The following RCAN2 variants were observed in gnomAD, a reference collection of about 807,000 sequenced individuals.
RCAN2 encodes the protein regulator of calcineurin 2, also known as calcipressin-2.
In RCAN2, 9 loss-of-function variants were observed where a neutral mutation model predicts 23.6. That is an observed-to-expected ratio of 0.38 (90% CI 0.23 to 0.67). The LOEUF (loss-of-function observed/expected upper bound fraction) is 0.67, where lower values mean the gene tolerates loss of function less well. RCAN2 is among the 30% of genes least tolerant of loss of function. The pLI, the probability that RCAN2 is intolerant of heterozygous loss-of-function variation, is 0.51. For missense variants in RCAN2, 273 were observed against 302.3 expected (o/e 0.90, Z 0.72); for synonymous variants, 109 against 115.7 (o/e 0.94, Z 0.37).
intron 4 of RCAN2, among the ~76,000 whole-genome samples, chr6:46,236,312 A>C (rs1347160682): frequency 1.3e-5 from 2 of 151,446 alleles, no homozygotes; most frequent in Non-Finnish European, 2.9e-5. Context: ...TCCAACCACC[A>C]CTTCCCCTTT....
chr6:46,251,727 G>A (rs961780120), intron 2 of RCAN2, among the ~76,000 whole-genome samples: 1 of 152,114 alleles, frequency 6.6e-6, no homozygotes, highest in Non-Finnish European at 1.5e-5. Context: ...GGCTTAGAGG[G>A]TGCTGACAAT....
At chr6:46,263,495 A>ATG (rs1404616117) in intron 2 of RCAN2, among the ~76,000 whole-genome samples, 1 of 69,788 alleles carries the variant, frequency 1.4e-5, no homozygotes, top group East Asian at 4.0e-4. Flanking sequence ...GTGTGTGTGT[A>ATG]TGTGTGTATG....
intron 1 of RCAN2, among the ~76,000 whole-genome samples, chr6:46,464,814 C>A (rs1166951236): frequency 6.6e-6 from 1 of 152,038 alleles, no homozygotes; most frequent in African/African-American, 2.4e-5. Context: ...CTTCAGGACA[C>A]CTTCTGGAGC....
chr6:46,406,846 A>T (rs1248227658), intron 2 of RCAN2, among the ~76,000 whole-genome samples: 2 of 152,228 alleles, frequency 1.3e-5, no homozygotes, highest in Non-Finnish European at 2.9e-5. Context: ...TGTTACAAAA[A>T]CTTAGACAGG....
At chr6:46,347,406 T>C (rs1764520832) in intron 2 of RCAN2, among the ~76,000 whole-genome samples, 1 of 152,170 alleles carries the variant, frequency 6.6e-6, no homozygotes, top group African/African-American at 2.4e-5. Flanking sequence ...TACCATGCCC[T>C]TTACATTAGG....
chr6:46,276,960 T>C (rs893343771), intron 2 of RCAN2, among the ~76,000 whole-genome samples: 2 of 152,222 alleles, frequency 1.3e-5, no homozygotes, highest in Non-Finnish European at 2.9e-5. Flanking sequence ...TGAGTTTTAT[T>C]AAGTTCTTAA....
intron 2 of RCAN2, among the ~76,000 whole-genome samples, chr6:46,375,238 C>G (rs546765257): frequency 2.0e-5 from 3 of 152,196 alleles, no homozygotes; most frequent in Non-Finnish European, 4.4e-5. Flanking sequence ...AACCACCATG[C>G]CTGGGCAACT....
chr6:46,255,942 G>T (rs565154782), intron 2 of RCAN2, among the ~76,000 whole-genome samples: 4 of 152,302 alleles, frequency 2.6e-5, no homozygotes, highest in Middle Eastern at 3.4e-3. Context: ...ATGTGTAATT[G>T]CGAGGGAATA....
At chr6:46,281,719 T>C (rs553176486) in intron 2 of RCAN2, among the ~76,000 whole-genome samples, 18 of 152,318 alleles carry the variant, frequency 1.2e-4, no homozygotes, top group Non-Finnish European at 1.9e-4. Flanking sequence ...TTATTAATAA[T>C]CAGAGATGCC....
At chr6:46,359,785 C>A (rs77406193) in intron 2 of RCAN2, among the ~76,000 whole-genome samples, 6 of 152,168 alleles carry the variant, frequency 3.9e-5, no homozygotes, top group South Asian at 2.1e-4. Flanking sequence ...ATGAATATAT[C>A]CTGTTTGTGT....
chr6:46,305,434 C>A (rs1018817951), intron 2 of RCAN2, among the ~76,000 whole-genome samples: 1 of 151,982 alleles, frequency 6.6e-6, no homozygotes, highest in Non-Finnish European at 1.5e-5. Context: ...CTTCACTTGG[C>A]CCCCATTCAT....
intron 4 of RCAN2, among the ~76,000 whole-genome samples, chr6:46,239,528 A>C (rs1262744709): frequency 2.0e-5 from 3 of 152,234 alleles, no homozygotes; most frequent in Admixed American, 6.5e-5. Context: ...TCAGGGCTGT[A>C]AACTGACATT....
At chr6:46,371,184 C>G (rs1043064797) in intron 2 of RCAN2, among the ~76,000 whole-genome samples, 7 of 152,150 alleles carry the variant, frequency 4.6e-5, no homozygotes, top group African/African-American at 1.7e-4. Flanking sequence ...CAAGTTGAGA[C>G]CAGCCTTTCC....
chr6:46,466,849 C>T (rs1013177776), intron 1 of RCAN2, among the ~76,000 whole-genome samples: 3 of 152,130 alleles, frequency 2.0e-5, no homozygotes, highest in Non-Finnish European at 4.4e-5. Flanking sequence ...TTACTTTGTT[C>T]TAAGGGCTTT....
chr6:46,243,349 T>G (rs1766375110), intron 4 of RCAN2, among the ~76,000 whole-genome samples: 1 of 152,144 alleles, frequency 6.6e-6, no homozygotes, highest in African/African-American at 2.4e-5. Context: ...AAACATATCC[T>G]AGAAAATACA....
At chr6:46,467,431 C>T (rs754398251) in intron 1 of RCAN2, among the ~76,000 whole-genome samples, 3 of 152,200 alleles carry the variant, frequency 2.0e-5, no homozygotes, top group South Asian at 2.1e-4. Flanking sequence ...AACAATGACT[C>T]GGACACACCA....
At chr6:46,358,003 C>T (rs561139907) in intron 2 of RCAN2, among the ~76,000 whole-genome samples, 22 of 152,264 alleles carry the variant, frequency 1.4e-4, no homozygotes, top group African/African-American at 4.3e-4. Flanking sequence ...AAAATCTATC[C>T]GGTCACCTCA....
intron 2 of RCAN2, among the ~76,000 whole-genome samples, chr6:46,293,313 C>T (rs1762626726): frequency 6.6e-6 from 1 of 152,094 alleles, no homozygotes; most frequent in Non-Finnish European, 1.5e-5. Flanking sequence ...GATAACTGAC[C>T]TTATGAATTT....
At chr6:46,378,552 G>C (rs1765539922) in intron 2 of RCAN2, among the ~76,000 whole-genome samples, 1 of 152,184 alleles carries the variant, frequency 6.6e-6, no homozygotes, top group Non-Finnish European at 1.5e-5. Flanking sequence ...TGAAGGTGAT[G>C]ATGGTCCAAC....
Sources: allele counts gnomAD v4.1 joint callset (sites outside exome capture counted in the v4.1 genomes callset), GRCh38; gene constraint gnomAD v4.1.1; transcripts MANE v1.5; gene names NCBI Gene and HGNC (gene_info 2026-07-23, HGNC 2026-07-21).